PRKCA: variants seen among roughly 807,000 people sequenced by gnomAD.
PRKCA encodes protein kinase C alpha, also known as protein kinase C alpha type.
Under a neutral mutation model 87.0 loss-of-function variants are expected in PRKCA, and 27 were observed. That is an observed-to-expected ratio of 0.31 (90% CI 0.23 to 0.43). The LOEUF (loss-of-function observed/expected upper bound fraction) is 0.43. Among genes scored for constraint, PRKCA ranks in the 20% least tolerant of loss-of-function variants. The pLI, the probability that PRKCA is intolerant of heterozygous loss-of-function variation, is 1.00. For missense variants in PRKCA, 518 were observed against 852.3 expected (o/e 0.61, Z 4.88); for synonymous variants, 329 against 311.1 (o/e 1.06, Z -0.61).
At chr17:66,681,796 C>T (rs1008481987) in intron 5 of PRKCA, among the ~76,000 whole-genome samples, 1 of 152,190 alleles carries the variant, frequency 6.6e-6, no homozygotes, top group African/African-American at 2.4e-5. Flanking sequence ...CGTGAGATGG[C>T]CTGACTTTCC....
In PRKCA at chr17:66,396,957, CTTTTTTTTT is replaced by C. The variant is rs35135551; in HGVS notation, c.205+90848_205+90856del. On this transcript the variant is annotated intron_variant, in intron 2 of 16. Coordinates refer to ENST00000413366, the MANE Select transcript of PRKCA (RefSeq NM_002737.3). ...CAATCATTCAGTCAAACAATCAAGA[CTTTTTTTTT>C]TTTTTTTTTTTTTTTTTGAGACAGA... is the stretch of plus-strand genomic sequence containing the variant. 1.7e-4 allele frequency among the ~76,000 whole-genome samples: 9 copies of C among 52,158 alleles called. No homozygotes were observed. The South Asian group carries it at 4.9e-3, about 28-fold the overall frequency. 34.2% of individuals were successfully genotyped at this position (52,158 alleles called of 152,430 possible).
intron 2 of PRKCA, among the ~76,000 whole-genome samples, chr17:66,384,793 TA>T: frequency 6.6e-6 from 1 of 152,134 alleles, no homozygotes; most frequent in Non-Finnish European, 1.5e-5. Flanking sequence ...CACACCTGGC[TA>T]ATTTTTTTTA....
chr17:66,469,690 T>G (rs1294494191), intron 2 of PRKCA, among the ~76,000 whole-genome samples: 1 of 152,216 alleles, frequency 6.6e-6, no homozygotes, highest in Admixed American at 6.5e-5. Flanking sequence ...TGAGGAAACA[T>G]TTGCAAGTAG....
intron 2 of PRKCA, among the ~76,000 whole-genome samples, chr17:66,440,103 T>C (rs775966376): frequency 2.0e-5 from 3 of 152,232 alleles, no homozygotes; most frequent in African/African-American, 4.8e-5. Context: ...GATTTATTTA[T>C]TTCCTATGAA....
chr17:66,471,486 C>T (rs772660902), intron 2 of PRKCA, among the ~76,000 whole-genome samples: 11 of 152,142 alleles, frequency 7.2e-5, no homozygotes, highest in Non-Finnish European at 1.5e-4. Context: ...TGAGTTGCAA[C>T]AGTGTGTTAT....
At position 66,337,919 on chromosome 17, in the gene PRKCA, T is replaced by C. The variant is rs530132018; in HGVS notation, c.205+31792T>C. ...GGCTTTCTATAAGTCAAAAAGCCAA[T>C]TAAAAAAAAAACTTTTATTGCTAAA... On this transcript the variant is annotated intron_variant, in intron 2 of 16. Coordinates refer to ENST00000413366, the MANE Select transcript of PRKCA (RefSeq NM_002737.3). Among the ~76,000 whole-genome samples the C allele has an allele frequency of 1.3e-3, 197 of 151,752 alleles. 1 individual carries two copies. Among genetic ancestry groups the C allele is most frequent in the Non-Finnish European group, 1.8e-3 (122 of 67,974 alleles).
At chr17:66,347,716 G>A (rs1907476681) in intron 2 of PRKCA, among the ~76,000 whole-genome samples, 1 of 152,072 alleles carries the variant, frequency 6.6e-6, no homozygotes, top group South Asian at 2.1e-4. Context: ...TCAAGCTGAC[G>A]GTAGATGCAC....
At chr17:66,643,892 T>C (rs1439847745) in intron 4 of PRKCA, among the ~76,000 whole-genome samples, 1 of 152,174 alleles carries the variant, frequency 6.6e-6, no homozygotes, top group East Asian at 1.9e-4. Context: ...CCTCTCACTT[T>C]GTAGAGTTGG....
chr17:66,805,220 C>T lies in PRKCA; in HGVS notation c.*1183C>T. ...ATCAGGAAACCCGGATGCCTAACAGCTCAAAGATGTTTTGTTAATAGAAGG... is the reference window on the plus strand; with the variant it reads ...ATCAGGAAACCCGGATGCCTAACAGTTCAAAGATGTTTTGTTAATAGAAGG... On this transcript the variant is annotated 3_prime_UTR_variant, in exon 17 of 17. Coordinates refer to ENST00000413366, the MANE Select transcript of PRKCA (RefSeq NM_002737.3). The T allele has an allele frequency of 1.2e-6, 1 of 854,304 alleles. No homozygotes were observed. The highest frequency in any genetic ancestry group is 1.4e-6 in the Non-Finnish European group (1 of 710,598). 52.9% of individuals were successfully genotyped at this position (854,304 alleles called of 1,614,324 possible).
chr17:66,763,507 A>G (rs2144303634), intron 13 of PRKCA, among the ~76,000 whole-genome samples: 1 of 152,314 alleles, frequency 6.6e-6, no homozygotes, highest in South Asian at 2.1e-4. Flanking sequence ...ACCATGTTAC[A>G]TGTAAAGAGT....
intron 2 of PRKCA, among the ~76,000 whole-genome samples, chr17:66,447,837 CTCTT>C (rs1567833987): frequency 6.6e-6 from 1 of 152,226 alleles, no homozygotes. Context: ...GATGCTCTTT[CTCTT>C]TCTTGTTTAC....
intron 5 of PRKCA, among the ~76,000 whole-genome samples, chr17:66,649,573 C>CG (rs1971539135): frequency 6.6e-6 from 1 of 152,188 alleles, no homozygotes; most frequent in African/African-American, 2.4e-5. Flanking sequence ...GGCCGCAGCC[C>CG]GGGCCTGGCT....
chr17:66,339,213 C>A (rs1271700447), intron 2 of PRKCA, among the ~76,000 whole-genome samples: 4 of 152,176 alleles, frequency 2.6e-5, no homozygotes, highest in Admixed American at 2.0e-4. Context: ...GGAGTTATAA[C>A]CTTCCAGAGT....
chr17:66,559,025 A>G (rs1968596781), intron 3 of PRKCA, among the ~76,000 whole-genome samples: 1 of 152,184 alleles, frequency 6.6e-6, no homozygotes, highest in African/African-American at 2.4e-5. Flanking sequence ...CATGCATTCG[A>G]ACAGGCTGTG....
chr17:66,438,141 C>A (rs1651271061), intron 2 of PRKCA, among the ~76,000 whole-genome samples: 1 of 152,062 alleles, frequency 6.6e-6, no homozygotes, highest in African/African-American at 2.4e-5. Flanking sequence ...ACGGGTCCCC[C>A]TTCTCCCTGC....
Position 66,587,862 on chromosome 17 carries a change from C to CGT in PRKCA, c.289-53493_289-53492insGT, listed in dbSNP as rs1567917198. Among the ~76,000 whole-genome samples, 21 of 51,930 alleles carry CGT rather than the reference C, an allele frequency of 4.0e-4. 2 individuals carry two copies. The highest frequency in any genetic ancestry group is 6.8e-4 in the Non-Finnish European group (16 of 23,448). 34.1% of individuals were successfully genotyped at this position (51,930 alleles called of 152,430 possible). A position where few individuals can be genotyped will look rare whatever the true frequency, so the allele number is the denominator to read the frequency against. ...GTGTGTATCTACATATACATATATA[C>CGT]ATATGTATGTGTGTGTGTGTGTGTG... is the stretch of plus-strand genomic sequence containing the variant. On this transcript the variant is annotated intron_variant, in intron 3 of 16. Coordinates refer to ENST00000413366, the MANE Select transcript of PRKCA (RefSeq NM_002737.3).
chr17:66,651,496 G>A (rs1191899120), intron 5 of PRKCA, among the ~76,000 whole-genome samples: 1 of 152,142 alleles, frequency 6.6e-6, no homozygotes, highest in Non-Finnish European at 1.5e-5. Context: ...CCCAACCTTT[G>A]CCTAAAAGCT....
At chr17:66,589,934 T>C (rs918309376) in intron 3 of PRKCA, among the ~76,000 whole-genome samples, 2 of 152,200 alleles carry the variant, frequency 1.3e-5, no homozygotes, top group African/African-American at 2.4e-5. Flanking sequence ...GATCTCTCAA[T>C]GTGCAGTTCA....
chr17:66,306,159 C>T, intron 2 of PRKCA, 32 bp downstream of exon 2: 2 of 1,595,974 alleles, frequency 1.3e-6, no homozygotes, highest in Non-Finnish European at 1.7e-6. Flanking sequence ...TATTTTCAAG[C>T]ACAACATGAA....
Sources: gnomAD v4.1 joint callset for allele counts (sites outside exome capture counted in the v4.1 genomes callset) on GRCh38, gnomAD v4.1.1 for gene constraint, MANE v1.5 for transcripts, NCBI Gene and HGNC (gene_info 2026-07-23, HGNC 2026-07-21) for gene names.